Variants in SYNJ1 observed in about 807,000 individuals in gnomAD.
SYNJ1 encodes the protein synaptojanin 1.
In SYNJ1, 78 loss-of-function variants were observed where a neutral mutation model predicts 168.2. The observed-to-expected ratio is 0.46, with a 90% CI of 0.39 to 0.56. The LOEUF is 0.56. SYNJ1 is among the 20% of genes least tolerant of loss of function. The pLI is 0.00. For synonymous variants in SYNJ1, 539 were observed against 548.6 expected (o/e 0.98, Z 0.24); for missense variants, 1,303 against 1,597.6 (o/e 0.82, Z 3.14).
chr21:32,681,115 G>C (rs1029638939), intron 11 of SYNJ1, among the ~76,000 whole-genome samples: 5 of 152,098 alleles, frequency 3.3e-5, no homozygotes, highest in Non-Finnish European at 7.4e-5. Flanking sequence ...AGCCAAATAA[G>C]AGAGAACCCT....
chr21:32,648,623 A>G (rs553072379), intron 23 of SYNJ1, among the ~76,000 whole-genome samples: 49 of 152,256 alleles, frequency 3.2e-4, no homozygotes, highest in African/African-American at 8.9e-4. Flanking sequence ...TCTTCTGTCT[A>G]TATTTAAACT....
intron 2 of SYNJ1, among the ~76,000 whole-genome samples, chr21:32,711,815 G>A (rs1161775504): frequency 6.6e-6 from 1 of 152,116 alleles, no homozygotes; most frequent in Non-Finnish European, 1.5e-5. Flanking sequence ...CTAAAAGAGA[G>A]GCTTGTTAAA....
At chr21:32,706,552 CCTTT>C (rs1276865255) in intron 2 of SYNJ1, among the ~76,000 whole-genome samples, 8 of 150,596 alleles carry the variant, frequency 5.3e-5, no homozygotes, top group Admixed American at 3.3e-4. Flanking sequence ...TATACTTCAA[CCTTT>C]CTTTATGTTT....
chr21:32,704,928 T>C (rs553972979), intron 2 of SYNJ1, among the ~76,000 whole-genome samples: 3 of 151,754 alleles, frequency 2.0e-5, no homozygotes, highest in Non-Finnish European at 4.4e-5. Context: ...GGTGGGCGGA[T>C]TATGAGGTCA....
chr21:32,654,276 A>G (rs1369746722), intron 21 of SYNJ1, among the ~76,000 whole-genome samples: 2 of 152,128 alleles, frequency 1.3e-5, no homozygotes, highest in Non-Finnish European at 2.9e-5. Flanking sequence ...GGCCAAAACA[A>G]AAGTGTGCAT....
chr21:32,631,975 G>A (rs2039347365), intron 32 of SYNJ1, among the ~76,000 whole-genome samples, 174 bp from the exon 33 acceptor site: 2 of 152,244 alleles, frequency 1.3e-5, no homozygotes, highest in South Asian at 2.1e-4. Flanking sequence ...AACACCTACA[G>A]TCTTTAAAAA....
upstream of SYNJ1, chr21:32,728,145 C>T (rs1434665221): frequency 7.4e-7 from 1 of 1,345,360 alleles, no homozygotes; most frequent in African/African-American, 1.5e-5. Context: ...GCCTGGCACC[C>T]GCGGGCGGCC....
rs866873520 is a variant in SYNJ1, at chr21:32,645,579, T to C, written c.3391+67A>G. 185 of 1,440,322 alleles carry C rather than the reference T, an allele frequency of 1.3e-4. No individual in the cohort carries two copies. The Middle Eastern group carries it at 1.5e-3, about 12-fold the overall frequency. The allele number at this position is 1,440,322 out of a possible 1,614,324, so 89.2% of individuals were successfully genotyped here. A position where few individuals can be genotyped will look rare whatever the true frequency, so the allele number is the denominator to read the frequency against. The stretch of plus-strand genomic sequence containing the variant: ...TCCAGAAGCTAGAGATTGGAAAACA[T>C]GCAAAACATTTTAAAATAGAGTGAA... On this transcript the variant is annotated intron_variant, in intron 25 of 32. Coordinates refer to ENST00000674351, the MANE Select transcript of SYNJ1 (RefSeq NM_203446.3).
intron 6 of SYNJ1, among the ~76,000 whole-genome samples, chr21:32,693,174 C>T (rs1450518873): frequency 6.6e-6 from 1 of 152,162 alleles, no homozygotes; most frequent in African/African-American, 2.4e-5. Context: ...GCATTCACCT[C>T]GCATCACATC....
chr21:32,721,550 G>A lies in SYNJ1; in HGVS notation c.124+5222C>T, dbSNP rs374493854. ...AAAAATTAGCTAGGTGTGGTGGGGG[G>A]CGCCTGTGGTCCCAGCTACTCAGGA... is the stretch of plus-strand genomic sequence containing the variant. On this transcript the variant is annotated intron_variant, in intron 2 of 32. Coordinates refer to ENST00000674351, the MANE Select transcript of SYNJ1 (RefSeq NM_203446.3). Among the ~76,000 whole-genome samples, 3 of 151,772 alleles carry A rather than the reference G, an allele frequency of 2.0e-5. No homozygotes were observed. The East Asian group carries it at 5.8e-4, about 30-fold the overall frequency.
At chr21:32,685,944 CTAAA>C (rs758939749) in intron 8 of SYNJ1, 27 bp from the exon 9 acceptor site, 11 of 1,592,104 alleles carry the variant, frequency 6.9e-6, no homozygotes, top group Non-Finnish European at 9.4e-6. Context: ...AAATATTCAT[CTAAA>C]TGAAAGTAAA....
At chr21:32,672,771 T>C (rs2041256249) in intron 14 of SYNJ1, among the ~76,000 whole-genome samples, 1 of 152,198 alleles carries the variant, frequency 6.6e-6, no homozygotes, top group Admixed American at 6.5e-5. Context: ...AGTTATTACA[T>C]AAGTACCAAT....
intron 7 of SYNJ1, 94 bp downstream of exon 7, chr21:32,688,212 A>G: frequency 1.6e-6 from 2 of 1,231,658 alleles, no homozygotes; most frequent in East Asian, 5.1e-5. Flanking sequence ...AATTTTATTT[A>G]AAGCCAAAAA....
intron 19 of SYNJ1, 108 bp from the exon 20 acceptor site, chr21:32,657,228 T>A (rs1203788224): frequency 1.4e-6 from 1 of 740,012 alleles, no homozygotes; most frequent in Non-Finnish European, 2.3e-6. Context: ...GGTTTGAGGC[T>A]GGAATGCCAG....
At chr21:32,709,495 A>G (rs962470674) in intron 2 of SYNJ1, among the ~76,000 whole-genome samples, 13 of 150,844 alleles carry the variant, frequency 8.6e-5, no homozygotes, top group African/African-American at 2.9e-4. Context: ...AAAAAAAAAA[A>G]AAAAAAGAAA....
chr21:32,653,523 G>C (rs556325956), intron 21 of SYNJ1, 157 bp from the exon 22 acceptor site: 1 of 584,618 alleles, frequency 1.7e-6, no homozygotes, highest in Admixed American at 3.1e-5. Context: ...GACCTGGAGA[G>C]GGCACTCTTC....
At chr21:32,700,409 C>T (rs1317891446) in intron 3 of SYNJ1, among the ~76,000 whole-genome samples, 1 of 152,140 alleles carries the variant, frequency 6.6e-6, no homozygotes, top group Non-Finnish European at 1.5e-5. Context: ...AATCCCAGCA[C>T]TTTGGGAGGC....
At chr21:32,728,037 G>C, upstream of SYNJ1, 4 of 1,531,658 alleles carry the variant, frequency 2.6e-6, no homozygotes, top group Non-Finnish European at 3.5e-6. Context: ...CATCTCTTCC[G>C]CATTGCGCCG....
intron 9 of SYNJ1, among the ~76,000 whole-genome samples, chr21:32,684,545 T>C (rs931788571): frequency 3.9e-5 from 6 of 152,234 alleles, no homozygotes; most frequent in Admixed American, 3.3e-4. Flanking sequence ...AATTTGAGCT[T>C]TCTGCACTAA....
Sources: gnomAD v4.1 joint callset for allele counts (sites outside exome capture counted in the v4.1 genomes callset) on GRCh38, gnomAD v4.1.1 for gene constraint, MANE v1.5 for transcripts, NCBI Gene and HGNC (gene_info 2026-07-23, HGNC 2026-07-21) for gene names.